The following AUTS2 variants were observed in gnomAD, a reference collection of about 807,000 sequenced individuals.
AUTS2 encodes the protein activator of transcription and developmental regulator AUTS2, also known as autism susceptibility gene 2 protein.
AUTS2 carries 17 observed loss-of-function variants against 112.4 expected under a neutral mutation model. The ratio of observed to expected loss-of-function variants is 0.15; its 90% CI spans 0.10 to 0.23. AUTS2 has a LOEUF of 0.23. Ranked by LOEUF, AUTS2 falls within the 10% of genes least tolerant of loss-of-function variation. AUTS2 has a pLI of 1.00. For missense variants in AUTS2, 1,510 were observed against 1,701.6 expected, an observed-to-expected ratio of 0.89 and a Z score of 1.98; for synonymous variants, 751 against 702.7, an observed-to-expected ratio of 1.07 and a Z score of -1.09.
At chr7:70,076,028 T>C (rs988465117) in intron 2 of AUTS2, among the ~76,000 whole-genome samples, 18 of 152,332 alleles carry the variant, frequency 1.2e-4, no homozygotes, top group African/African-American at 4.1e-4. Flanking sequence ...GATGTGGATG[T>C]GTTCTAATAA....
chr7:70,713,955 T>C (rs1451757189), intron 6 of AUTS2, among the ~76,000 whole-genome samples: 1 of 152,016 alleles, frequency 6.6e-6, no homozygotes, highest in Admixed American at 6.5e-5. Context: ...TGATTCAGCG[T>C]GTCTGGGCTA....
intron 4 of AUTS2, among the ~76,000 whole-genome samples, chr7:70,141,569 T>G (rs1806865005): frequency 6.6e-6 from 1 of 152,230 alleles, no homozygotes; most frequent in East Asian, 1.9e-4. Context: ...TTGTCACATT[T>G]TTTAAATGTA....
intron 3 of AUTS2, among the ~76,000 whole-genome samples, chr7:70,131,042 C>G (rs1017455500): frequency 3.3e-5 from 5 of 152,174 alleles, no homozygotes; most frequent in African/African-American, 1.2e-4. Context: ...ACTTTCAAGT[C>G]TCAGTTTGAC....
chr7:70,107,680 A>C (rs567383748), intron 2 of AUTS2, among the ~76,000 whole-genome samples: 2 of 151,150 alleles, frequency 1.3e-5, no homozygotes, highest in Non-Finnish European at 2.9e-5. Context: ...TTATGAACTT[A>C]ATATGCTTGG....
chr7:69,784,623 A>AG (rs1185872579), intron 1 of AUTS2, among the ~76,000 whole-genome samples: 1 of 152,220 alleles, frequency 6.6e-6, no homozygotes, highest in Non-Finnish European at 1.5e-5. Context: ...AACAGTACCA[A>AG]GGGGAGCTGG....
At chr7:70,075,508 T>C (rs1474461993) in intron 2 of AUTS2, among the ~76,000 whole-genome samples, 1 of 152,182 alleles carries the variant, frequency 6.6e-6, no homozygotes, top group Non-Finnish European at 1.5e-5. Flanking sequence ...TAAAATATAC[T>C]GTAGATTCAT....
At chr7:70,441,810 C>T (rs1796132840) in intron 5 of AUTS2, among the ~76,000 whole-genome samples, 1 of 152,218 alleles carries the variant, frequency 6.6e-6, no homozygotes, top group African/African-American at 2.4e-5. Flanking sequence ...TAACTCAACA[C>T]AAACCACATG....
chr7:69,754,243 G>T (rs1036878165), intron 1 of AUTS2, among the ~76,000 whole-genome samples: 9 of 152,244 alleles, frequency 5.9e-5, no homozygotes, highest in Admixed American at 3.3e-4. Flanking sequence ...AGAAGGGGTG[G>T]GGACAACATA....
chr7:69,733,003 A>G (rs544484980), intron 1 of AUTS2, among the ~76,000 whole-genome samples: 18 of 152,176 alleles, frequency 1.2e-4, no homozygotes, highest in Non-Finnish European at 2.1e-4. Context: ...GTCTTTTGAG[A>G]AGAACAGAGC....
At chr7:70,481,668 A>G (rs1318023786) in intron 5 of AUTS2, among the ~76,000 whole-genome samples, 1 of 152,168 alleles carries the variant, frequency 6.6e-6, no homozygotes, top group African/African-American at 2.4e-5. Context: ...GCCACATCAA[A>G]ATCAATACGT....
chr7:70,022,323 AT>A (rs373158257), intron 2 of AUTS2, among the ~76,000 whole-genome samples: 1,543 of 140,540 alleles, frequency 0.011, 3 homozygotes, highest in East Asian at 0.018. Context: ...AGACTAATAG[AT>A]TTTTTTTTTT....
At chr7:70,725,988 C>T (rs1330031514) in intron 6 of AUTS2, among the ~76,000 whole-genome samples, 1 of 148,892 alleles carries the variant, frequency 6.7e-6, no homozygotes, top group Non-Finnish European at 1.5e-5. Context: ...TGCCACTGCA[C>T]TCCAGCCTGG....
intron 5 of AUTS2, among the ~76,000 whole-genome samples, chr7:70,499,063 G>T (rs928923124): frequency 1.3e-5 from 2 of 152,308 alleles, no homozygotes; most frequent in East Asian, 3.9e-4. Flanking sequence ...CTTCTACCGT[G>T]TTGAGTCTTG....
intron 5 of AUTS2, among the ~76,000 whole-genome samples, chr7:70,494,550 G>A (rs1172151281): frequency 2.0e-5 from 3 of 151,932 alleles, no homozygotes; most frequent in Admixed American, 6.6e-5. Context: ...TTCTTTTAAC[G>A]AGTGTCCCCA....
At chr7:69,866,375 C>T (rs777927022) in intron 1 of AUTS2, among the ~76,000 whole-genome samples, 30 of 152,136 alleles carry the variant, frequency 2.0e-4, no homozygotes, top group Non-Finnish European at 8.8e-5. Context: ...CCTGTCCTTG[C>T]TAAAGCCCAG....
intron 1 of AUTS2, among the ~76,000 whole-genome samples, chr7:69,656,909 C>T (rs1411881468): frequency 6.6e-6 from 1 of 152,152 alleles, no homozygotes; most frequent in Non-Finnish European, 1.5e-5. Context: ...GTCAAAGGCT[C>T]ACACTGGTGT....
chr7:70,132,087 A>G (rs1806302182), intron 3 of AUTS2, among the ~76,000 whole-genome samples: 1 of 151,294 alleles, frequency 6.6e-6, no homozygotes, highest in Non-Finnish European at 1.5e-5. Context: ...GGCAAAGTCG[A>G]TCACAAGAGG....
At chr7:69,998,855 C>G (rs1584549026) in intron 2 of AUTS2, among the ~76,000 whole-genome samples, 1 of 152,104 alleles carries the variant, frequency 6.6e-6, no homozygotes, top group Non-Finnish European at 1.5e-5. Flanking sequence ...TTAGGGTAGA[C>G]CTCACTGAGA....
At chr7:69,926,949 GATATATAAC>G (rs963805088) in intron 2 of AUTS2, among the ~76,000 whole-genome samples, 9 of 144,360 alleles carry the variant, frequency 6.2e-5, no homozygotes, top group Non-Finnish European at 1.4e-4. Flanking sequence ...TATATATAAA[GATATATAAC>G]ATATATATTA....
Sources: allele counts gnomAD v4.1 joint callset (sites outside exome capture counted in the v4.1 genomes callset), GRCh38; gene constraint gnomAD v4.1.1; transcripts MANE v1.5; gene names NCBI Gene and HGNC (gene_info 2026-07-23, HGNC 2026-07-21).